Variants in COL9A2 observed in about 807,000 individuals in gnomAD.
The protein encoded by COL9A2 is collagen alpha-2(IX) chain.
A neutral mutation model predicts 111.6 loss-of-function variants in COL9A2; 66 were observed. The observed-to-expected ratio is 0.59, with a 90% CI of 0.48 to 0.73. The LOEUF is 0.73. COL9A2 is among the 30% of genes least tolerant of loss of function. The pLI, the probability that COL9A2 is intolerant of heterozygous loss-of-function variation, is 0.00. For synonymous variants in COL9A2, 353 were observed against 364.1 expected (o/e 0.97, Z 0.35); for missense variants, 881 against 954.1 (o/e 0.92, Z 1.01).
rs1057515525 is a variant in COL9A2 at position 40,300,952 on chromosome 1, G to A, written c.*230C>T. ...AGCCGCCCTATTCCTTCAGCGCTTC[G>A]ACTCCATCGACACCACTTGCCCTGT... On this transcript the variant is annotated 3_prime_UTR_variant, in exon 32 of 32. Coordinates refer to ENST00000372748, the MANE Select transcript of COL9A2 (RefSeq NM_001852.4). This position sits in a 1 kb window ranked among gnomAD's most constrained non-coding sequence, Gnocchi z 4.4. 62 of 543,708 alleles carry A rather than the reference G, an allele frequency of 1.1e-4. No homozygotes were observed. The highest frequency in any genetic ancestry group is 8.8e-4 in the South Asian group (35 of 39,560). The allele number at this position is 543,708 out of a possible 1,614,324, so 33.7% of individuals were successfully genotyped here.
In COL9A2 at chr1:40,301,297, G is replaced by C. The variant is rs919105938; in HGVS notation, c.1955C>G (p.Pro652Arg). The C allele has an allele frequency of 1.4e-5, 22 of 1,612,716 alleles. No homozygotes were observed. Among genetic ancestry groups the C allele is most frequent in the Non-Finnish European group, 1.9e-5 (22 of 1,179,314 alleles). The change falls in exon 32 of 32, where the codon CCT becomes CGT. Residue 652 changes from proline (P) to arginine (R), a missense_variant. Transcript: ENST00000372748. ...CAGCCCCACGGGGCCTGGCAGGCCA[G>C]GTCGACCTGCCTCTCCTGGAGCCCC... The part of the protein sequence containing the change: ...SPGAPGEAGR[P>R]GLPGPVGLPG...
chr1:40,304,784 A>T lies in COL9A2; in HGVS notation c.1161+10T>A, dbSNP rs117563156. On this transcript the variant is annotated intron_variant, in intron 22 of 31. Transcript: ENST00000372748. ...GCCCCCGGGGAGGGGCCATTGTGCCAGGCACTTACCTTCTGTCCCATGATG... is the reference window on the plus strand; with the variant it reads ...GCCCCCGGGGAGGGGCCATTGTGCCTGGCACTTACCTTCTGTCCCATGATG... 32,405 of 1,549,974 alleles carry T rather than the reference A, an allele frequency of 0.021. 433 individuals are homozygous for T. Among genetic ancestry groups the T allele is most frequent in the Admixed American group, 0.04 (2,047 of 50,952 alleles).
rs1046703333 is a variant in COL9A2 at position 40,303,452 on chromosome 1, C to G, written c.1548+78G>C. 16 of 1,583,212 alleles carry G rather than the reference C, an allele frequency of 1.0e-5. No homozygotes were observed. The highest frequency in any genetic ancestry group is 1.4e-5 in the African/African-American group (1 of 74,034). On this transcript the variant is annotated intron_variant, in intron 28 of 31. Coordinates refer to ENST00000372748, the MANE Select transcript of COL9A2 (RefSeq NM_001852.4). The surrounding 1 kb of genome is among the most constrained non-coding windows in gnomAD (Gnocchi z 4.6). ...GAAGTCGGTGAGTCTCTGGGAATCC[C>G]TAGCCTTTGGCGGGTAAGCCGCACC...
intron 31 of COL9A2, 88 bp downstream of exon 31, chr1:40,301,724 G>T: frequency 1.6e-6 from 2 of 1,287,092 alleles, no homozygotes; most frequent in Non-Finnish European, 2.2e-6. Context: ...CTGAGCGTGA[G>T]GCCGCCATGG....
chr1:40,307,811 G>A lies in COL9A2; in HGVS notation c.901-55C>T. On this transcript the variant is annotated intron_variant, in intron 17 of 31. Transcript: ENST00000372748. This position sits in a 1 kb window ranked among gnomAD's most constrained non-coding sequence, Gnocchi z 4.8. ...GATAATGCGGAGATGTCTGGGGTCT[G>A]GCCACCCACCCCTGTTCCTCTGAGA... 1.3e-6 allele frequency: 2 copies of A among 1,577,668 alleles called. No homozygotes were observed. Among genetic ancestry groups the A allele is most frequent in the Non-Finnish European group, 1.7e-6 (2 of 1,148,052 alleles).
In COL9A2 at chr1:40,316,343, A is replaced by G. The variant is rs1291176104; in HGVS notation, c.76-679T>C. Among the ~76,000 whole-genome samples the G allele has an allele frequency of 6.6e-6, 1 of 152,174 alleles. No individual in the cohort carries two copies. Among genetic ancestry groups the G allele is most frequent in the Non-Finnish European group, 1.5e-5 (1 of 68,012 alleles). On this transcript the variant is annotated intron_variant, in intron 1 of 31. Transcript: ENST00000372748. This position sits in a 1 kb window ranked among gnomAD's most constrained non-coding sequence, Gnocchi z 5.5. ...GGAGCAGGAGGAGCCGGCACCTCCC[A>G]GAAAGCAGACCCTCTCTCTGGATCC...
Position 40,312,169 on chromosome 1 carries a change from C to T in COL9A2, c.364-57G>A, listed in dbSNP as rs1436290809. Reference sequence around the variant, plus strand: ...CTCAGAGGGTCAGATACCCTGGGCACAAAGGTAGAGACAGGCACCCAAAGC... The same window carrying T: ...CTCAGAGGGTCAGATACCCTGGGCATAAAGGTAGAGACAGGCACCCAAAGC... On this transcript the variant is annotated intron_variant, in intron 7 of 31. Transcript: ENST00000372748. The surrounding 1 kb of genome is among the most constrained non-coding windows in gnomAD (Gnocchi z 6.0). 39 of 1,453,356 alleles carry T rather than the reference C, an allele frequency of 2.7e-5. No individual in the cohort carries two copies. The highest frequency in any genetic ancestry group is 3.0e-5 in the Non-Finnish European group (31 of 1,050,542). 90.0% of individuals were successfully genotyped at this position (1,453,356 alleles called of 1,614,324 possible).
intron 20 of COL9A2, 68 bp downstream of exon 20, chr1:40,306,074 TG>T: frequency 1.3e-6 from 2 of 1,571,880 alleles, no homozygotes; most frequent in Non-Finnish European, 1.8e-6. Flanking sequence ...GGCTGAGGCC[TG>T]GGCCTTGCTG....
chr1:40,316,513 C>T lies in COL9A2; in HGVS notation c.75+610G>A. On this transcript the variant is annotated intron_variant, in intron 1 of 31. Transcript: ENST00000372748. The surrounding 1 kb of genome is among the most constrained non-coding windows in gnomAD (Gnocchi z 5.5). ...AGATCAGAGATCTTAAAAGGCGGCC[C>T]TTTTAAGAGGCCAGCTCGGACCCAG... The T allele has an allele frequency of 2.3e-6, 1 of 437,520 alleles. No individual in the cohort carries two copies. Among genetic ancestry groups the T allele is most frequent in the South Asian group, 1.6e-5 (1 of 62,430 alleles). The allele number at this position is 437,520 out of a possible 1,614,324, so 27.1% of individuals were successfully genotyped here.
chr1:40,312,110 C>T lies in COL9A2; in HGVS notation c.366G>A (p.Gly122=), dbSNP rs1644138554. The T allele has an allele frequency of 6.2e-7, 1 of 1,600,390 alleles. No homozygotes were observed. The change falls in exon 8 of 32, where the codon GGG becomes GGA. Residue 122 remains glycine (G), a splice_region_variant and synonymous_variant. Coordinates refer to ENST00000372748, the MANE Select transcript of COL9A2 (RefSeq NM_001852.4). The surrounding 1 kb of genome is among the most constrained non-coding windows in gnomAD (Gnocchi z 6.0). ...LPGPGFAGPP[G]PPGPVGLPGE... ...CAGGGAGGCCAACAGGTCCAGGAGG[C>T]CCCTGGGGAGCAGAGAGTTGATGGT...
rs974125067 is a variant in COL9A2, at chr1:40,316,936, C to A, written c.75+187G>T. ...CCGTTTGACTCTCCGGCTCAGCCAC[C>A]TCCATTCACGGTGCCGCGATGGGCA... On this transcript the variant is annotated intron_variant, in intron 1 of 31. Transcript: ENST00000372748. The surrounding 1 kb of genome is among the most constrained non-coding windows in gnomAD (Gnocchi z 5.5). 1.1e-4 allele frequency among the ~76,000 whole-genome samples: 16 copies of A among 152,192 alleles called. No homozygotes were observed. The highest frequency in any genetic ancestry group is 3.9e-4 in the African/African-American group (16 of 41,454).
Position 40,311,622 on chromosome 1 carries a change from C to T in COL9A2, c.471+40G>A, listed in dbSNP as rs1644129453. On this transcript the variant is annotated intron_variant, in intron 9 of 31. Coordinates refer to ENST00000372748, the MANE Select transcript of COL9A2 (RefSeq NM_001852.4). This position sits in a 1 kb window ranked among gnomAD's most constrained non-coding sequence, Gnocchi z 5.1. ...GGCTTGCTCAAAGACCCTTCTCCTT[C>T]CCCTGCACTTTGCCATGTCGGGGGT... The T allele has an allele frequency of 1.2e-6, 2 of 1,613,702 alleles. No homozygotes were observed. Among genetic ancestry groups the T allele is most frequent in the South Asian group, 1.1e-5 (1 of 91,056 alleles).
Position 40,303,883 on chromosome 1 carries a change from GGGGCCAGC to G in COL9A2, c.1368+37_1368+44del. On this transcript the variant is annotated intron_variant, in intron 26 of 31. Coordinates refer to ENST00000372748, the MANE Select transcript of COL9A2 (RefSeq NM_001852.4). The surrounding 1 kb of genome is among the most constrained non-coding windows in gnomAD (Gnocchi z 4.6). ...GCGGTCACGAAGCCGCGGGGACCCCGGGGCCAGCCGCCGCTCCCCGCCCTTCCCTAGGC... is the reference window on the plus strand; with the variant it reads ...GCGGTCACGAAGCCGCGGGGACCCCGCGCCGCTCCCCGCCCTTCCCTAGGC... 1.3e-6 allele frequency: 2 copies of G among 1,549,142 alleles called. No homozygotes were observed. The highest frequency in any genetic ancestry group is 1.7e-6 in the Non-Finnish European group (2 of 1,146,628).
chr1:40,306,243 C>T, intron 19 of COL9A2, 56 bp from the exon 20 acceptor site: 2 of 1,587,732 alleles, frequency 1.3e-6, no homozygotes, highest in Non-Finnish European at 8.6e-7. Context: ...CCCCATGCAC[C>T]TGCTGCTTTG....
At chr1:40,308,444 T>C (rs902445885) in intron 16 of COL9A2, among the ~76,000 whole-genome samples, 199 bp from the exon 17 acceptor site, 8 of 152,160 alleles carry the variant, frequency 5.3e-5, no homozygotes, top group African/African-American at 1.9e-4. Context: ...GAGAAGTCAG[T>C]GCCAGGAGGC....
chr1:40,310,074 T>A lies in COL9A2; in HGVS notation c.792+37A>T. On this transcript the variant is annotated intron_variant, in intron 15 of 31. Transcript: ENST00000372748. This position sits in a 1 kb window ranked among gnomAD's most constrained non-coding sequence, Gnocchi z 4.9. ...ACTCTGTGGCTGTAGCTGTAGGAGC[T>A]CCAGCCTCAGGGGTAGGGGAGCAAA... is the stretch of plus-strand genomic sequence containing the variant. 6.2e-7 allele frequency: 1 copy of A among 1,613,896 alleles called. No homozygotes were observed. The highest frequency in any genetic ancestry group is 8.5e-7 in the Non-Finnish European group (1 of 1,179,804).
At chr1:40,309,305 G>T (rs956735379) in intron 16 of COL9A2, among the ~76,000 whole-genome samples, 1 of 151,248 alleles carries the variant, frequency 6.6e-6, no homozygotes, top group African/African-American at 2.4e-5. Context: ...AAAAGTATAA[G>T]AATTTTTTAA....
Position 40,312,474 on chromosome 1 carries a change from AGGGCCCT to A in COL9A2, c.340-2_344del. The A allele has an allele frequency of 6.2e-7, 1 of 1,613,750 alleles. No individual in the cohort carries two copies. The highest frequency in any genetic ancestry group is 8.5e-7 in the Non-Finnish European group (1 of 1,179,854). The stretch of plus-strand genomic sequence containing the variant: ...GACTTACAGGAGGTCCAGCAAAACC[AGGGCCCT>A]GGAACAGAAAGAAAGAAAATTGGCT... On this transcript the variant is annotated splice_acceptor_variant and coding_sequence_variant, in exon 7 of 32. Transcript: ENST00000372748. LOFTEE classifies it high-confidence loss of function. This position sits in a 1 kb window ranked among gnomAD's most constrained non-coding sequence, Gnocchi z 6.0.
In COL9A2 at chr1:40,312,212, C is replaced by CTTTTT. The variant is rs34036643; in HGVS notation, c.364-105_364-101dup. 2 of 926,230 alleles carry CTTTTT rather than the reference C, an allele frequency of 2.2e-6. No individual in the cohort carries two copies. The highest frequency in any genetic ancestry group is 1.6e-5 in the South Asian group (1 of 63,002). The allele number at this position is 926,230 out of a possible 1,614,324, so 57.4% of individuals were successfully genotyped here. ...CCCAAAGCCCGTTTCTCCACTTTTACTTTTTTTTTTTTTTTGCCAACCCCA... is the reference window on the plus strand; with the variant it reads ...CCCAAAGCCCGTTTCTCCACTTTTACTTTTTTTTTTTTTTTTTTTTGCCAACCCCA... On this transcript the variant is annotated intron_variant, in intron 7 of 31. Coordinates refer to ENST00000372748, the MANE Select transcript of COL9A2 (RefSeq NM_001852.4). The surrounding 1 kb of genome is among the most constrained non-coding windows in gnomAD (Gnocchi z 6.0).
Sources: allele counts gnomAD v4.1 joint callset (sites outside exome capture counted in the v4.1 genomes callset), GRCh38; gene constraint gnomAD v4.1.1; non-coding constraint Gnocchi (gnomAD v3.1); transcripts MANE v1.5; gene names NCBI Gene and HGNC (gene_info 2026-07-23, HGNC 2026-07-21).